The following RSPH14 variants were observed in gnomAD, a reference collection of about 807,000 sequenced individuals.
RSPH14 encodes the protein rhabdoid tumor deletion region gene 1.
In RSPH14, 20 loss-of-function variants were observed where a neutral mutation model predicts 26.7. That is an observed-to-expected ratio of 0.75 (90% CI 0.53 to 1.09). RSPH14 has a LOEUF of 1.09. Among genes scored for constraint, RSPH14 ranks in the 50% least tolerant of loss-of-function variants. RSPH14 has a pLI of 0.00. For missense variants in RSPH14, 449 were observed against 457.2 expected (o/e 0.98, Z 0.16); for synonymous variants, 177 against 189.3 (o/e 0.93, Z 0.53).
At chr22:23,143,722 T>C (rs897373857), upstream of RSPH14, among the ~76,000 whole-genome samples, 12 of 152,206 alleles carry the variant, frequency 7.9e-5, no homozygotes, top group African/African-American at 2.7e-4. Context: ...ATAACACTTG[T>C]ATGCTTTTCT....
the RSPH14 span, among the ~76,000 whole-genome samples, chr22:23,173,377 G>A: frequency 6.6e-6 from 1 of 151,890 alleles, no homozygotes; most frequent in South Asian, 2.1e-4. Context: ...CTCGTGAGCC[G>A]CCCGCCTCGG....
intron 4 of RSPH14, among the ~76,000 whole-genome samples, chr22:23,102,410 G>A (rs2069329612): frequency 6.6e-6 from 1 of 152,228 alleles, no homozygotes; most frequent in Admixed American, 6.5e-5. Context: ...TCTGCTCCCA[G>A]GGAGGATGCA....
the RSPH14 span, among the ~76,000 whole-genome samples, chr22:23,169,993 A>G: frequency 6.6e-6 from 1 of 151,354 alleles, no homozygotes; most frequent in Non-Finnish European, 1.5e-5. Context: ...GCTACTTGTG[A>G]GGCTGAGGTG....
intron 4 of RSPH14, among the ~76,000 whole-genome samples, chr22:23,130,083 GGAAGAAAGAAAGAAAGA>G (rs1569192472): frequency 0.011 from 313 of 29,002 alleles, no homozygotes; most frequent in South Asian, 0.014. Flanking sequence ...AAGAAAGAAA[GGAAGAAAGAAAGAAAGA>G]AAGAAAGAAA....
upstream of RSPH14, chr22:23,146,574 T>C: frequency 1.9e-6 from 3 of 1,610,856 alleles, no homozygotes; most frequent in Non-Finnish European, 8.5e-7. Flanking sequence ...GCACAGCTCC[T>C]TAACTGTCTT....
chr22:23,155,641 C>T, the RSPH14 span, among the ~76,000 whole-genome samples: 2 of 152,198 alleles, frequency 1.3e-5, no homozygotes, highest in African/African-American at 2.4e-5. Context: ...ATCTTCAGAG[C>T]GAGTCATGTC....
chr22:23,166,375 A>G, the RSPH14 span, among the ~76,000 whole-genome samples: 1 of 150,982 alleles, frequency 6.6e-6, no homozygotes, highest in Non-Finnish European at 1.5e-5. Context: ...GGTGGGGTGC[A>G]ATATAGGGAA....
chr22:23,145,717 T>G (rs575117690), upstream of RSPH14, among the ~76,000 whole-genome samples: 1 of 152,214 alleles, frequency 6.6e-6, no homozygotes, highest in East Asian at 1.9e-4. Flanking sequence ...GAGCGCAAAC[T>G]CTGGGCCAGG....
chr22:23,174,150 CG>C, the RSPH14 span, among the ~76,000 whole-genome samples: 5 of 147,310 alleles, frequency 3.4e-5, no homozygotes, highest in Admixed American at 2.7e-4. Flanking sequence ...GGGTGGCCTC[CG>C]GGAGGGGTTT....
At chr22:23,096,500 C>G in intron 4 of RSPH14, 1 of 1,395,792 alleles carries the variant, frequency 7.2e-7, no homozygotes. Flanking sequence ...AGGTCCAGGA[C>G]AGTCTGCAGC....
intron 4 of RSPH14, among the ~76,000 whole-genome samples, chr22:23,068,424 G>C (rs752573906): frequency 2.0e-5 from 3 of 152,246 alleles, no homozygotes; most frequent in South Asian, 2.1e-4. Flanking sequence ...GAAAAGGGCC[G>C]GTCTGAATCC....
At chr22:23,164,856 G>C in the RSPH14 span, among the ~76,000 whole-genome samples, 4 of 152,082 alleles carry the variant, frequency 2.6e-5, no homozygotes, top group African/African-American at 9.7e-5. Context: ...CTAGGTCCCA[G>C]GGTGCTCTCG....
chr22:23,158,727 G>A, the RSPH14 span, among the ~76,000 whole-genome samples: 1 of 152,176 alleles, frequency 6.6e-6, no homozygotes, highest in Non-Finnish European at 1.5e-5. Flanking sequence ...TCCAGCCAAC[G>A]CCCTTCCGGC....
At chr22:23,160,831 G>A in the RSPH14 span, 1 of 1,589,938 alleles carries the variant, frequency 6.3e-7, no homozygotes, top group African/African-American at 1.3e-5. Flanking sequence ...TGCATTAAGG[G>A]GCAAGGAGAA....
intron 4 of RSPH14, among the ~76,000 whole-genome samples, chr22:23,099,561 C>T (rs530929735): frequency 1.1e-4 from 17 of 152,218 alleles, no homozygotes; most frequent in Admixed American, 1.1e-3. Context: ...TGTCACAGAT[C>T]GAGGCACTGA....
intron 4 of RSPH14, among the ~76,000 whole-genome samples, chr22:23,132,565 A>AAT (rs71200833): frequency 0.51 from 77,750 of 151,640 alleles, 20,193 homozygotes; most frequent in Middle Eastern, 0.58. Flanking sequence ...TCATCAGGGA[A>AAT]ATATAAATTA....
At chr22:23,139,749 A>G (rs2070556543) in intron 2 of RSPH14, among the ~76,000 whole-genome samples, 1 of 152,318 alleles carries the variant, frequency 6.6e-6, no homozygotes, top group Non-Finnish European at 1.5e-5. Context: ...TCTCCCCTGT[A>G]GGTGGCCTTT....
At chr22:23,140,637 T>C (rs1012267504) in intron 1 of RSPH14, among the ~76,000 whole-genome samples, 165 bp from the exon 2 acceptor site, 1 of 152,170 alleles carries the variant, frequency 6.6e-6, no homozygotes, top group African/African-American at 2.4e-5. Context: ...AAAGTCCCAG[T>C]GAAGGTAAGT....
intron 4 of RSPH14, among the ~76,000 whole-genome samples, chr22:23,110,592 A>G (rs1240603903): frequency 6.6e-6 from 1 of 152,226 alleles, no homozygotes; most frequent in Non-Finnish European, 1.5e-5. Context: ...GATGGGCAGT[A>G]GACAGTGTTT....
Sources: allele counts gnomAD v4.1 joint callset (sites outside exome capture counted in the v4.1 genomes callset), GRCh38; gene constraint gnomAD v4.1.1; transcripts MANE v1.5; gene names NCBI Gene and HGNC (gene_info 2026-07-23, HGNC 2026-07-21).